The following GRIN2B variants were observed in gnomAD, a reference collection of about 807,000 sequenced individuals.
GRIN2B encodes the protein glutamate receptor ionotropic, NMDA 2B.
GRIN2B carries 5 observed loss-of-function variants against 114.5 expected under a neutral mutation model. That is an observed-to-expected ratio of 0.04 (90% confidence interval 0.02 to 0.09). The LOEUF is 0.09. Among genes scored for constraint, GRIN2B ranks in the 10% least tolerant of loss-of-function variants. The pLI is 1.00. For missense variants in GRIN2B, 1,108 were observed against 1,943.5 expected (o/e 0.57, Z 8.08); for synonymous variants, 787 against 745.1 (o/e 1.06, Z -0.92).
intron 2 of GRIN2B, among the ~76,000 whole-genome samples, chr12:13,886,416 G>C (rs1202101464): frequency 6.6e-6 from 1 of 152,148 alleles, no homozygotes; most frequent in Non-Finnish European, 1.5e-5. Context: ...AGGAAAATTG[G>C]AACATAAATG....
At chr12:13,789,174 T>C (rs1216965053) in intron 3 of GRIN2B, among the ~76,000 whole-genome samples, 2 of 152,244 alleles carry the variant, frequency 1.3e-5, no homozygotes, top group East Asian at 3.9e-4. Context: ...ATGTCAGAGG[T>C]TATAAACTCT....
chr12:13,837,227 C>T (rs1317637255), intron 3 of GRIN2B, among the ~76,000 whole-genome samples: 2 of 152,182 alleles, frequency 1.3e-5, no homozygotes, highest in African/African-American at 2.4e-5. Flanking sequence ...AAGGAAATCA[C>T]ACCTCTCCCA....
At chr12:13,882,420 AT>A (rs1014786164) in intron 2 of GRIN2B, among the ~76,000 whole-genome samples, 2 of 151,736 alleles carry the variant, frequency 1.3e-5, no homozygotes, top group Admixed American at 6.6e-5. Flanking sequence ...ACAAATAAAA[AT>A]TTTTTTTTCA....
chr12:13,717,995 G>A (rs1270491100), intron 4 of GRIN2B, among the ~76,000 whole-genome samples: 5 of 151,916 alleles, frequency 3.3e-5, no homozygotes, highest in African/African-American at 4.8e-5. Flanking sequence ...TTTCCTCTTC[G>A]TTCTCCTCCA....
chr12:13,711,243 A>G, intron 4 of GRIN2B, among the ~76,000 whole-genome samples: 1 of 152,012 alleles, frequency 6.6e-6, no homozygotes, highest in East Asian at 1.9e-4. Context: ...TGGATTAAAG[A>G]CTTACATGTT....
intron 4 of GRIN2B, among the ~76,000 whole-genome samples, chr12:13,694,768 C>T (rs1950246513): frequency 7.0e-6 from 1 of 142,772 alleles, no homozygotes; most frequent in African/African-American, 2.6e-5. Context: ...AAACAGGCAC[C>T]AAGGATACAT....
intron 5 of GRIN2B, among the ~76,000 whole-genome samples, chr12:13,643,083 A>G (rs2136509059): frequency 6.6e-6 from 1 of 152,322 alleles, no homozygotes; most frequent in South Asian, 2.1e-4. Context: ...TGTGAAGACG[A>G]AAGTTATTCT....
chr12:13,776,950 G>A (rs180773765), intron 3 of GRIN2B, among the ~76,000 whole-genome samples: 7 of 152,220 alleles, frequency 4.6e-5, no homozygotes, highest in African/African-American at 1.4e-4. Context: ...GCTGCACAAT[G>A]AGCAATAATG....
Position 13,556,323 on chromosome 12 carries a change from C to T in GRIN2B, c.*6460G>A, listed in dbSNP as rs1053735708. ...TATAATCATACAAATGTATGCATACCTATTTATACATACATTTACATATTT... is the reference window on the plus strand; with the variant it reads ...TATAATCATACAAATGTATGCATACTTATTTATACATACATTTACATATTT... On this transcript the variant is annotated 3_prime_UTR_variant, in exon 14 of 14. Transcript: ENST00000609686. 6.6e-6 allele frequency: 1 copy of T among 151,998 alleles called. No homozygotes were observed. The allele number at this position is 151,998 out of a possible 1,614,324, so 9.4% of individuals were successfully genotyped here.
Position 13,547,124 on chromosome 12 carries a change from G to T in GRIN2B, c.*15659C>A, listed in dbSNP as rs899768066. The T allele has an allele frequency of 6.6e-6, 1 of 152,076 alleles. No homozygotes were observed. The highest frequency in any genetic ancestry group is 1.5e-5 in the Non-Finnish European group (1 of 68,022). 9.4% of individuals were successfully genotyped at this position (152,076 alleles called of 1,614,324 possible). On this transcript the variant is annotated 3_prime_UTR_variant, in exon 14 of 14. Transcript: ENST00000609686. The stretch of plus-strand genomic sequence containing the variant: ...AGTTTAGATAAGAATACAGTTTAAG[G>T]GATATATCCCATTTTCATAGGAAAG...
At chr12:13,851,131 T>C (rs2136727821) in intron 3 of GRIN2B, among the ~76,000 whole-genome samples, 1 of 152,240 alleles carries the variant, frequency 6.6e-6, no homozygotes, top group Non-Finnish European at 1.5e-5. Flanking sequence ...ATTCAAAACA[T>C]ACCCAAAAGA....
chr12:13,974,904 C>CA (rs1489031818), intron 2 of GRIN2B, among the ~76,000 whole-genome samples: 2 of 150,398 alleles, frequency 1.3e-5, no homozygotes, highest in African/African-American at 2.5e-5. Context: ...GAGACATTAA[C>CA]AAAAAGATAA....
chr12:13,797,430 A>C (rs1565540911), intron 3 of GRIN2B, among the ~76,000 whole-genome samples: 1 of 152,224 alleles, frequency 6.6e-6, no homozygotes, highest in Admixed American at 6.5e-5. Flanking sequence ...CTAAAATGAT[A>C]ATGGAAAGTA....
Position 13,866,177 on chromosome 12 carries a change from T to A in GRIN2B, c.32A>T (p.Lys11Met). The A allele has an allele frequency of 6.2e-7, 1 of 1,611,746 alleles. No homozygotes were observed. The highest frequency in any genetic ancestry group is 8.5e-7 in the Non-Finnish European group (1 of 1,179,960). ...CAGGACGGCCAACACCAACCAGAAC[T>A]TGGGAGAACAGCACTCCGCTCTGGG... MKPRAECCSP[K>M]FWLVLAVLAV... Residue 11 changes from lysine to methionine, a missense_variant, in exon 3 of 14, where the codon AAG becomes ATG. Physicochemically the swap from Lys to Met is moderately conservative, Grantham distance 95 (BLOSUM62 -1). Coordinates refer to ENST00000609686, the MANE Select transcript of GRIN2B (RefSeq NM_000834.5).
chr12:13,883,776 GT>G (rs1866105330), intron 2 of GRIN2B, among the ~76,000 whole-genome samples: 2 of 151,942 alleles, frequency 1.3e-5, no homozygotes, highest in African/African-American at 4.8e-5. Context: ...AAAAAAAGAA[GT>G]TTTTGTTTTT....
intron 10 of GRIN2B, among the ~76,000 whole-genome samples, chr12:13,592,737 C>G (rs1196408366): frequency 2.6e-5 from 4 of 152,150 alleles, no homozygotes; most frequent in Admixed American, 6.5e-5. Flanking sequence ...TTGGGGCATC[C>G]AAGCCTGACA....
rs866678439 is a variant in GRIN2B, at chr12:13,899,462, C to A, written c.-18-33236G>T. Among the ~76,000 whole-genome samples the A allele has an allele frequency of 4.8e-5, 7 of 144,892 alleles. 1 individual carries two copies. In the South Asian group the frequency reaches 1.5e-3, roughly 31 times the overall value. ...GTACCTTATGTAAGCCATGTTCAAC[C>A]CAAATGAAAATGAAAATAGGCAGCA... On this transcript the variant is annotated intron_variant, in intron 2 of 13. Coordinates refer to ENST00000609686, the MANE Select transcript of GRIN2B (RefSeq NM_000834.5).
intron 3 of GRIN2B, among the ~76,000 whole-genome samples, chr12:13,859,041 C>T (rs1391447949): frequency 6.6e-6 from 1 of 152,208 alleles, no homozygotes; most frequent in Non-Finnish European, 1.5e-5. Flanking sequence ...ATACTAAGCA[C>T]CAACTGTCTA....
chr12:13,670,895 C>T (rs1950016500), intron 5 of GRIN2B, among the ~76,000 whole-genome samples: 1 of 152,116 alleles, frequency 6.6e-6, no homozygotes, highest in Admixed American at 6.5e-5. Flanking sequence ...CCAAGAGGTT[C>T]CTTACATAGG....
Sources: allele counts gnomAD v4.1 joint callset (sites outside exome capture counted in the v4.1 genomes callset), GRCh38; gene constraint gnomAD v4.1.1; transcripts MANE v1.5; gene names NCBI Gene and HGNC (gene_info 2026-07-23, HGNC 2026-07-21).